TOLLIP: variants seen among roughly 807,000 people sequenced by gnomAD.
The protein encoded by TOLLIP is toll-interacting protein.
A neutral mutation model predicts 33.5 loss-of-function variants in TOLLIP; 16 were observed. The ratio of observed to expected loss-of-function variants is 0.48; its 90% CI spans 0.32 to 0.72. TOLLIP has a LOEUF of 0.72. Ranked by LOEUF, TOLLIP falls within the 30% of genes least tolerant of loss-of-function variation. The pLI is 0.03. For synonymous variants in TOLLIP, 176 were observed against 163.7 expected, an observed-to-expected ratio of 1.07 and a Z score of -0.57; for missense variants, 325 against 396.6, an observed-to-expected ratio of 0.82 and a Z score of 1.53.
At position 1,276,892 on chromosome 11, in the gene TOLLIP, C is replaced by A. The variant is rs919372209; in HGVS notation, c.*147G>T. Reference sequence around the variant, plus strand: ...CCGAAAACCCACATGCACCCAAGAACAGGTGTGGACGGGGCGGCACAGAAG... The same window carrying A: ...CCGAAAACCCACATGCACCCAAGAAAAGGTGTGGACGGGGCGGCACAGAAG... On this transcript the variant is annotated 3_prime_UTR_variant, in exon 6 of 6. Coordinates refer to ENST00000317204, the MANE Select transcript of TOLLIP (RefSeq NM_019009.4). 5 of 1,552,588 alleles carry A rather than the reference C, an allele frequency of 3.2e-6. No homozygotes were observed. The African/African-American group carries it at 5.4e-5, about 17-fold the overall frequency.
Position 1,288,497 on chromosome 11 carries a change from G to C in TOLLIP, c.519+127C>G, listed in dbSNP as rs566903834. On this transcript the variant is annotated intron_variant, in intron 4 of 5. Coordinates refer to ENST00000317204, the MANE Select transcript of TOLLIP (RefSeq NM_019009.4). ...GGCCCCTGCCCTCTGTCCTCAGAACGTGAGCCCTGCTGTTTTATGGGCTCA... is the reference window on the plus strand; with the variant it reads ...GGCCCCTGCCCTCTGTCCTCAGAACCTGAGCCCTGCTGTTTTATGGGCTCA... The C allele has an allele frequency of 7.5e-6, 9 of 1,198,488 alleles. No homozygotes were observed. In the Admixed American group the frequency reaches 2.1e-4, roughly 28 times the overall value. 74.2% of individuals were successfully genotyped at this position (1,198,488 alleles called of 1,614,324 possible). A position where few individuals can be genotyped will look rare whatever the true frequency, so the allele number is the denominator to read the frequency against.
chr11:1,307,733 T>C (rs1201751015), intron 1 of TOLLIP, among the ~76,000 whole-genome samples: 5 of 152,122 alleles, frequency 3.3e-5, no homozygotes, highest in African/African-American at 7.2e-5. Flanking sequence ...CTCACTGTGG[T>C]GGAGTAAAGA....
Position 1,288,756 on chromosome 11 carries a change from G to A in TOLLIP, c.387C>T (p.Asp129=). 1 of 1,612,522 alleles carries A rather than the reference G, an allele frequency of 6.2e-7. No individual in the cohort carries two copies. The highest frequency in any genetic ancestry group is 8.5e-7 in the Non-Finnish European group (1 of 1,179,660). ...IFDERAFSMD[D]RIAWTHITIP... is the part of the protein sequence containing the mutation. Reference sequence around the variant, plus strand: ...TGGTGATGTGGGTCCAGGCAATGCGGTCGTCCATGGAGAAGGCTCTCTGCG... The same window carrying A: ...TGGTGATGTGGGTCCAGGCAATGCGATCGTCCATGGAGAAGGCTCTCTGCG... The change falls in exon 4 of 6, where the codon GAC becomes GAT. Residue 129 remains aspartate (D), a synonymous_variant. Coordinates refer to ENST00000317204, the MANE Select transcript of TOLLIP (RefSeq NM_019009.4).
chr11:1,277,265 G>A lies in TOLLIP; in HGVS notation c.611-12C>T. 2 of 1,528,494 alleles carry A rather than the reference G, an allele frequency of 1.3e-6. No homozygotes were observed. Among genetic ancestry groups the A allele is most frequent in the East Asian group, 2.3e-5 (1 of 43,576 alleles). 94.7% of individuals were successfully genotyped at this position (1,528,494 alleles called of 1,614,324 possible). On this transcript the variant is annotated splice_polypyrimidine_tract_variant and intron_variant, in intron 5 of 5. Coordinates refer to ENST00000317204, the MANE Select transcript of TOLLIP (RefSeq NM_019009.4). This position sits in a 1 kb window ranked among gnomAD's most constrained non-coding sequence, Gnocchi z 4.2. Reference sequence around the variant, plus strand: ...GACAGCGGGCATCCCTGGAAGCAAAGATCAAGTTTGGTAAAAACGTCGGAA... The same window carrying A: ...GACAGCGGGCATCCCTGGAAGCAAAAATCAAGTTTGGTAAAAACGTCGGAA...
At position 1,277,014 on chromosome 11, in the gene TOLLIP, G is replaced by A. The variant is rs1044285482; in HGVS notation, c.*25C>T. 5.6e-6 allele frequency: 9 copies of A among 1,607,702 alleles called. No homozygotes were observed. The highest frequency in any genetic ancestry group is 7.7e-6 in the Non-Finnish European group (9 of 1,175,210). On this transcript the variant is annotated 3_prime_UTR_variant, in exon 6 of 6. Coordinates refer to ENST00000317204, the MANE Select transcript of TOLLIP (RefSeq NM_019009.4). The surrounding 1 kb of genome is among the most constrained non-coding windows in gnomAD (Gnocchi z 4.2). ...GGGTCGGCGTGTCCAAAGAGCGGGGGCAAAACGGCATCGAGGCAGAGGCTC... is the reference window on the plus strand; with the variant it reads ...GGGTCGGCGTGTCCAAAGAGCGGGGACAAAACGGCATCGAGGCAGAGGCTC...
chr11:1,309,516 C>T lies in TOLLIP; in HGVS notation c.-18G>A. ...GTCGCCATGGTGCTGCGGCGGCCCC[C>T]GTGGCTCGCCGACCCGACAGTGACG... On this transcript the variant is annotated 5_prime_UTR_variant, in exon 1 of 6. Transcript: ENST00000317204. The T allele has an allele frequency of 1.5e-6, 2 of 1,293,100 alleles. No homozygotes were observed. Among genetic ancestry groups the T allele is most frequent in the South Asian group, 2.0e-5 (1 of 49,400 alleles). The allele number at this position is 1,293,100 out of a possible 1,614,324, so 80.1% of individuals were successfully genotyped here. A position where few individuals can be genotyped will look rare whatever the true frequency, so the allele number is the denominator to read the frequency against.
rs536407110 is a variant in TOLLIP, at chr11:1,289,973, G to A, written c.366+254C>T. The A allele has an allele frequency of 5.7e-4, 286 of 499,964 alleles. 4 individuals are homozygous for A. In the South Asian group the frequency reaches 6.3e-3, roughly 11 times the overall value. 31.0% of individuals were successfully genotyped at this position (499,964 alleles called of 1,614,324 possible). Reference sequence around the variant, plus strand: ...CCTGTGCGCCCAGCGGAGGGGACACGTGCACGCTGTATCCCTGGGTCATGC... The same window carrying A: ...CCTGTGCGCCCAGCGGAGGGGACACATGCACGCTGTATCCCTGGGTCATGC... On this transcript the variant is annotated intron_variant, in intron 3 of 5. Transcript: ENST00000317204.
chr11:1,284,319 G>C, intron 5 of TOLLIP, among the ~76,000 whole-genome samples: 1 of 151,758 alleles, frequency 6.6e-6, no homozygotes, highest in East Asian at 1.9e-4. Flanking sequence ...CTCGGTGACG[G>C]GGTGCAGGTG....
At chr11:1,286,888 G>C (rs915567008) in intron 4 of TOLLIP, among the ~76,000 whole-genome samples, 3 of 149,464 alleles carry the variant, frequency 2.0e-5, no homozygotes, top group Non-Finnish European at 4.4e-5. Context: ...CTGCACTGCT[G>C]TCTCCTGAGT....
rs1037270334 is a variant in TOLLIP, at chr11:1,288,662, C to T, written c.481G>A (p.Asp161Asn). 10 of 1,612,648 alleles carry T rather than the reference C, an allele frequency of 6.2e-6. No homozygotes were observed. Among genetic ancestry groups the T allele is most frequent in the African/African-American group, 1.3e-5 (1 of 74,946 alleles). Residue 161 changes from aspartate (D) to asparagine (N), a missense_variant, in exon 4 of 6, where the codon GAC (aspartate) becomes AAC (asparagine). Asp to Asn is a conservative substitution (Grantham distance 23, BLOSUM62 1). Coordinates refer to ENST00000317204, the MANE Select transcript of TOLLIP (RefSeq NM_019009.4). Reference protein sequence around the residue: ...WYSLSGRQGDDKEGMINLVMS... With the variant: ...WYSLSGRQGDNKEGMINLVMS... ...ACGAGGTTGATCATGCCCTCCTTGT[C>T]GTCCCCCTGCCTCCCGCTCAGGCTG... is the stretch of plus-strand genomic sequence containing the variant.
intron 5 of TOLLIP, among the ~76,000 whole-genome samples, chr11:1,285,400 C>T (rs1028324220): frequency 3.9e-5 from 6 of 152,234 alleles, no homozygotes; most frequent in Middle Eastern, 6.3e-3. Context: ...TGGTGGGGGC[C>T]GGTCTTGCAC....
intron 1 of TOLLIP, among the ~76,000 whole-genome samples, chr11:1,308,977 C>T (rs1311159586): frequency 6.6e-6 from 1 of 151,374 alleles, no homozygotes; most frequent in African/African-American, 2.4e-5. Context: ...GAGCAGGGCC[C>T]GCATCCATCT....
intron 5 of TOLLIP, among the ~76,000 whole-genome samples, chr11:1,285,655 C>T (rs1017530015): frequency 2.6e-5 from 4 of 151,680 alleles, no homozygotes; most frequent in South Asian, 2.1e-4. Flanking sequence ...GTGCAGAGCA[C>T]GTGTCACCTG....
At chr11:1,293,980 T>C (rs919432970) in intron 2 of TOLLIP, among the ~76,000 whole-genome samples, 19 of 152,262 alleles carry the variant, frequency 1.2e-4, no homozygotes, top group Admixed American at 3.3e-4. Flanking sequence ...CACCACACCA[T>C]GAAGCCCCTG....
At chr11:1,307,206 TA>T (rs1222238316) in intron 1 of TOLLIP, among the ~76,000 whole-genome samples, 3 of 152,172 alleles carry the variant, frequency 2.0e-5, no homozygotes, top group African/African-American at 7.2e-5. Context: ...AACACCTTCT[TA>T]AGAGACCCTG....
rs982918544 is a variant in TOLLIP at position 1,278,972 on chromosome 11, C to T, written c.611-1719G>A. ...CAGCATGGCAACAAGAGGAATGGGG[C>T]TCGGCCATCGCCTGTCCCTGCCCAC... On this transcript the variant is annotated intron_variant, in intron 5 of 5. Transcript: ENST00000317204. The surrounding 1 kb of genome is among the most constrained non-coding windows in gnomAD (Gnocchi z 4.7). Among the ~76,000 whole-genome samples, 1 of 152,170 alleles carries T rather than the reference C, an allele frequency of 6.6e-6. No individual in the cohort carries two copies. Among genetic ancestry groups the T allele is most frequent in the Non-Finnish European group, 1.5e-5 (1 of 68,032 alleles).
In TOLLIP at chr11:1,309,615, C is replaced by T. The variant is rs1452513047; in HGVS notation, c.-117G>A. 41 of 394,378 alleles carry T rather than the reference C, an allele frequency of 1.0e-4. No homozygotes were observed. In the East Asian group the frequency reaches 1.8e-3, roughly 18 times the overall value. 24.4% of individuals were successfully genotyped at this position (394,378 alleles called of 1,614,324 possible). A position where few individuals can be genotyped will look rare whatever the true frequency, so the allele number is the denominator to read the frequency against. ...TGTCACCTCGAGGCCGCCGCCGCCACAGTCAGCTGACAGCCGCCGCGCCCC... is the reference window on the plus strand; with the variant it reads ...TGTCACCTCGAGGCCGCCGCCGCCATAGTCAGCTGACAGCCGCCGCGCCCC... On this transcript the variant is annotated 5_prime_UTR_variant, in exon 1 of 6. It adds an upstream start codon to the 5' untranslated region. Coordinates refer to ENST00000317204, the MANE Select transcript of TOLLIP (RefSeq NM_019009.4).
At chr11:1,299,483 C>T (rs929239368) in intron 1 of TOLLIP, among the ~76,000 whole-genome samples, 3 of 152,102 alleles carry the variant, frequency 2.0e-5, no homozygotes, top group East Asian at 3.8e-4. Context: ...CAGTAAATGT[C>T]TATTTTGAAT....
intron 5 of TOLLIP, among the ~76,000 whole-genome samples, chr11:1,283,860 C>G (rs2133888169): frequency 1.3e-5 from 2 of 152,314 alleles, no homozygotes; most frequent in African/African-American, 4.8e-5. Context: ...TCCTCACAGC[C>G]TTGACGAGTG....
Sources: allele counts gnomAD v4.1 joint callset (sites outside exome capture counted in the v4.1 genomes callset), GRCh38; gene constraint gnomAD v4.1.1; non-coding constraint Gnocchi (gnomAD v3.1); transcripts MANE v1.5; gene names NCBI Gene and HGNC (gene_info 2026-07-23, HGNC 2026-07-21).